TBX15: variants seen among roughly 807,000 people sequenced by gnomAD.
The protein encoded by TBX15 is T-box transcription factor 15.
TBX15 carries 18 observed loss-of-function variants against 53.9 expected under a neutral mutation model. The observed-to-expected ratio is 0.33, with a 90% CI of 0.23 to 0.49. TBX15 has a LOEUF of 0.49. TBX15 is among the 20% of genes least tolerant of loss of function. The probability of loss-of-function intolerance (pLI) is 0.98; values close to 1 mark genes in which losing one functional copy is unlikely to be tolerated. For synonymous variants in TBX15, 295 were observed against 278.0 expected (o/e 1.06, Z -0.61); for missense variants, 692 against 749.5 (o/e 0.92, Z 0.90).
chr1:118,977,335 G>T (rs1489522067), intron 1 of TBX15, among the ~76,000 whole-genome samples: 1 of 151,976 alleles, frequency 6.6e-6, no homozygotes, highest in Non-Finnish European at 1.5e-5. Flanking sequence ...GGCACAGAGT[G>T]CCTATTTAAT....
intron 1 of TBX15, among the ~76,000 whole-genome samples, chr1:118,979,612 T>C (rs185345990): frequency 1.4e-4 from 22 of 152,340 alleles, no homozygotes; most frequent in Non-Finnish European, 2.8e-4. Context: ...TGGTTTGTCG[T>C]TGGCGGGTTC....
chr1:118,891,133 T>C (rs898303614), intron 7 of TBX15, among the ~76,000 whole-genome samples: 1 of 152,236 alleles, frequency 6.6e-6, no homozygotes, highest in Non-Finnish European at 1.5e-5. Flanking sequence ...ATTAGAGTGC[T>C]AATAGGAATT....
chr1:118,937,153 TG>T (rs1265391095), intron 1 of TBX15, among the ~76,000 whole-genome samples: 2 of 152,114 alleles, frequency 1.3e-5, no homozygotes, highest in Non-Finnish European at 2.9e-5. Flanking sequence ...AACAAAATGA[TG>T]GAGAAAGAAT....
chr1:118,912,631 A>G (rs899139297), intron 6 of TBX15, among the ~76,000 whole-genome samples: 1 of 152,174 alleles, frequency 6.6e-6, no homozygotes, highest in African/African-American at 2.4e-5. Flanking sequence ...TTGGAAAAAA[A>G]GGCAATAGGA....
chr1:118,911,330 A>G (rs956700325), intron 6 of TBX15, among the ~76,000 whole-genome samples: 3 of 152,250 alleles, frequency 2.0e-5, no homozygotes, highest in Non-Finnish European at 4.4e-5. Context: ...GATGGAACAT[A>G]ATGAAGAATT....
intron 6 of TBX15, among the ~76,000 whole-genome samples, chr1:118,911,886 T>G (rs1655039254): frequency 6.6e-6 from 1 of 152,230 alleles, no homozygotes; most frequent in Non-Finnish European, 1.5e-5. Context: ...ACCATCCCTA[T>G]TCACACTGTA....
intron 6 of TBX15, among the ~76,000 whole-genome samples, chr1:118,910,424 T>C (rs1382849997): frequency 9.9e-5 from 15 of 152,140 alleles, no homozygotes; most frequent in Non-Finnish European, 4.4e-5. Context: ...GTTGTTGTTG[T>C]TGTTGTTGTT....
chr1:118,905,870 A>G (rs1397738413), intron 6 of TBX15, among the ~76,000 whole-genome samples: 1 of 152,234 alleles, frequency 6.6e-6, no homozygotes, highest in Non-Finnish European at 1.5e-5. Flanking sequence ...AGCTCACTAC[A>G]TGAGTCTTCA....
chr1:118,977,887 G>A (rs1657487652), intron 1 of TBX15, among the ~76,000 whole-genome samples: 1 of 152,174 alleles, frequency 6.6e-6, no homozygotes, highest in Non-Finnish European at 1.5e-5. Context: ...AGTTACTAGT[G>A]CTTTCCATCA....
chr1:118,985,216 C>T (rs1657790147), intron 1 of TBX15, among the ~76,000 whole-genome samples: 1 of 152,114 alleles, frequency 6.6e-6, no homozygotes, highest in Admixed American at 6.5e-5. Flanking sequence ...CTTCTGGGCC[C>T]TAAGGACAAA....
At chr1:118,936,691 T>C (rs1655982404) in intron 1 of TBX15, among the ~76,000 whole-genome samples, 1 of 152,162 alleles carries the variant, frequency 6.6e-6, no homozygotes, top group South Asian at 2.1e-4. Flanking sequence ...GAGCTCTTAC[T>C]ATTTGTCAGG....
chr1:118,921,615 A>G (rs1358723536), intron 5 of TBX15, among the ~76,000 whole-genome samples: 3 of 152,180 alleles, frequency 2.0e-5, no homozygotes, highest in Non-Finnish European at 4.4e-5. Context: ...TAAGACTAAA[A>G]CCCAGGTCTC....
intron 1 of TBX15, among the ~76,000 whole-genome samples, chr1:118,977,553 T>C (rs371590170): frequency 1.3e-5 from 2 of 151,558 alleles, no homozygotes; most frequent in African/African-American, 2.4e-5. Flanking sequence ...ATTGCAGAAG[T>C]CTGCACAGGG....
chr1:118,951,279 A>C (rs1656501662), intron 1 of TBX15, among the ~76,000 whole-genome samples: 2 of 152,350 alleles, frequency 1.3e-5, no homozygotes, highest in African/African-American at 2.4e-5. Flanking sequence ...CCAATGTAGA[A>C]GACATTTCCC....
chr1:118,934,810 G>A (rs1655911353), intron 1 of TBX15, among the ~76,000 whole-genome samples: 1 of 152,210 alleles, frequency 6.6e-6, no homozygotes, highest in African/African-American at 2.4e-5. Context: ...CAAGTCTGTG[G>A]AGGCATAGGC....
At chr1:118,898,966 G>T in intron 7 of TBX15, 62 bp downstream of exon 7, 2 of 1,540,498 alleles carry the variant, frequency 1.3e-6, no homozygotes, top group Non-Finnish European at 1.8e-6. Flanking sequence ...GCTATATTCG[G>T]TTGAGCTCCC....
At chr1:118,955,958 C>T (rs988519780) in intron 1 of TBX15, among the ~76,000 whole-genome samples, 1 of 152,180 alleles carries the variant, frequency 6.6e-6, no homozygotes, top group African/African-American at 2.4e-5. Flanking sequence ...GTGGGTCATG[C>T]CTGGCTTCTC....
At chr1:118,983,546 G>A (rs931112089) in intron 1 of TBX15, among the ~76,000 whole-genome samples, 8 of 152,108 alleles carry the variant, frequency 5.3e-5, no homozygotes, top group African/African-American at 1.4e-4. Context: ...TGACAAACTC[G>A]GGCCTTAGAT....
At chr1:118,957,888 T>C (rs1028683512) in intron 1 of TBX15, among the ~76,000 whole-genome samples, 5 of 152,194 alleles carry the variant, frequency 3.3e-5, no homozygotes, top group Non-Finnish European at 7.3e-5. Flanking sequence ...ACATTTGGGT[T>C]GGTTACAAGT....
Sources: gnomAD v4.1 joint callset for allele counts (sites outside exome capture counted in the v4.1 genomes callset) on GRCh38, gnomAD v4.1.1 for gene constraint, MANE v1.5 for transcripts, NCBI Gene and HGNC (gene_info 2026-07-23, HGNC 2026-07-21) for gene names.